ANHX: variants seen among roughly 807,000 people sequenced by gnomAD.
ANHX encodes anomalous homeobox.
In ANHX, 20 loss-of-function variants were observed where a neutral mutation model predicts 38.9. That is an observed-to-expected ratio of 0.51 (90% CI 0.36 to 0.75). ANHX has a LOEUF of 0.75. Ranked by LOEUF, ANHX falls within the 30% of genes least tolerant of loss-of-function variation. The pLI, the probability that ANHX is intolerant of heterozygous loss-of-function variation, is 0.00. For synonymous variants in ANHX, 185 were observed against 203.1 expected (o/e 0.91, Z 0.76); for missense variants, 475 against 493.1 (o/e 0.96, Z 0.35).
At chr12:133,222,438 G>C (rs1957121994) in intron 7 of ANHX, among the ~76,000 whole-genome samples, 1 of 152,078 alleles carries the variant, frequency 6.6e-6, no homozygotes, top group Non-Finnish European at 1.5e-5. Context: ...GAAGGCAGGG[G>C]TTTCAATAGA....
Position 133,221,822 on chromosome 12 carries a change from C to T in ANHX, c.1133-470G>A, listed in dbSNP as rs897570033. Among the ~76,000 whole-genome samples the T allele has an allele frequency of 6.6e-6, 1 of 152,178 alleles. No homozygotes were observed. The highest frequency in any genetic ancestry group is 1.5e-5 in the Non-Finnish European group (1 of 68,044). On this transcript the variant is annotated intron_variant, in intron 7 of 9. Coordinates refer to ENST00000545940, the MANE Select transcript of ANHX (RefSeq NM_001372060.1). The surrounding 1 kb of genome is among the most constrained non-coding windows in gnomAD (Gnocchi z 4.1). ...ATAAGCTGTCACTAGTTTCCCCTCC[C>T]TTTGACTTTCCAGAGCGTATCTCAG... is the stretch of plus-strand genomic sequence containing the variant.
intron 4 of ANHX, among the ~76,000 whole-genome samples, chr12:133,227,465 G>A (rs1197160248): frequency 3.3e-5 from 5 of 152,166 alleles, no homozygotes. Flanking sequence ...CCCCTGGAGG[G>A]GCAGGGCCTG....
rs1470236224 is a variant in ANHX, at chr12:133,234,373, G to A, written c.-17C>T. The A allele has an allele frequency of 6.6e-7, 1 of 1,526,276 alleles. No homozygotes were observed. The highest frequency in any genetic ancestry group is 1.2e-5 in the South Asian group (1 of 83,574). The allele number at this position is 1,526,276 out of a possible 1,614,324, so 94.5% of individuals were successfully genotyped here. A position where few individuals can be genotyped will look rare whatever the true frequency, so the allele number is the denominator to read the frequency against. On this transcript the variant is annotated 5_prime_UTR_variant, in exon 2 of 10. Transcript: ENST00000545940. ...GCTCTGCATCCTGTGCTGGGTCGTG[G>A]CCACTCTGCCAACACAAACAGTCAC...
intron 6 of ANHX, 122 bp downstream of exon 6, chr12:133,226,196 T>G: frequency 6.8e-7 from 1 of 1,471,440 alleles, no homozygotes; most frequent in Non-Finnish European, 9.1e-7. Context: ...CCCTGGGGTC[T>G]GACCTGATCC....
At chr12:133,224,391 G>T (rs962814975) in intron 7 of ANHX, among the ~76,000 whole-genome samples, 19 of 152,224 alleles carry the variant, frequency 1.2e-4, no homozygotes, top group African/African-American at 4.3e-4. Flanking sequence ...GCTGGGCATG[G>T]TGGCTCACGC....
intron 6 of ANHX, among the ~76,000 whole-genome samples, 141 bp from the exon 7 acceptor site, chr12:133,225,969 G>A (rs992822267): frequency 1.3e-5 from 2 of 151,558 alleles, no homozygotes; most frequent in African/African-American, 4.8e-5. Flanking sequence ...TCAATGAAAA[G>A]CAAAACAGAC....
intron 1 of ANHX, chr12:133,234,619 C>G: frequency 2.1e-6 from 1 of 471,662 alleles, no homozygotes; most frequent in Non-Finnish European, 3.9e-6. Context: ...GCACCAAGCA[C>G]TGGGCTGGGT....
chr12:133,220,867 T>G (rs1361289591), intron 8 of ANHX, among the ~76,000 whole-genome samples: 1 of 152,186 alleles, frequency 6.6e-6, no homozygotes, highest in Non-Finnish European at 1.5e-5. Context: ...CAATTCAGAA[T>G]ATAAAATCAG....
chr12:133,227,957 G>A lies in ANHX; in HGVS notation c.378-10C>T, dbSNP rs1318187449. The A allele has an allele frequency of 7.2e-6, 11 of 1,534,884 alleles. No homozygotes were observed. The Admixed American group carries it at 1.8e-4, about 25-fold the overall frequency. On this transcript the variant is annotated splice_polypyrimidine_tract_variant and intron_variant, in intron 3 of 9. Transcript: ENST00000545940. ...GGGGGGCGGGGGGTTCCTGGGTAAG[G>A]ACAGTGAGGAGGTGGTAACAGACAG...
chr12:133,232,764 C>G (rs912679606), intron 2 of ANHX, among the ~76,000 whole-genome samples: 1 of 152,224 alleles, frequency 6.6e-6, no homozygotes, highest in African/African-American at 2.4e-5. Flanking sequence ...ACTCTGCACT[C>G]TCTCGTTTGT....
At chr12:133,226,519 C>G in intron 5 of ANHX, 81 bp from the exon 6 acceptor site, 1 of 1,450,084 alleles carries the variant, frequency 6.9e-7, no homozygotes, top group African/African-American at 1.4e-5. Flanking sequence ...AGCAGCCCTG[C>G]TGGCTGGAAA....
In ANHX at chr12:133,226,312, C is replaced by T. The variant is rs1211006808; in HGVS notation, c.839+6G>A. 7 of 1,536,112 alleles carry T rather than the reference C, an allele frequency of 4.6e-6. No individual in the cohort carries two copies. The highest frequency in any genetic ancestry group is 6.1e-6 in the Non-Finnish European group (7 of 1,146,922). ...GATGATTCCATGGCCATGGAGATGA[C>T]AGTACCTGACATCCAGTGGCTTTGA... On this transcript the variant is annotated splice_donor_region_variant and intron_variant, in intron 6 of 9. Transcript: ENST00000545940.
In ANHX at chr12:133,226,948, G is replaced by C; in HGVS notation, c.706C>G (p.Pro236Ala). The change falls in exon 5 of 10, where the codon CCT becomes GCT. Residue 236 changes from proline to alanine, a missense_variant. Physicochemically the swap from Pro to Ala is conservative, Grantham distance 27. Transcript: ENST00000545940. Reference protein sequence around the residue: ...PRVDSGFVDRPQWSEEREEKG... With the variant: ...PRVDSGFVDRAQWSEEREEKG... ...TCAGGCCACTCACCTGACCACTGAGGCCTGTCCACAAACCCAGAGTCAACA... is the reference window on the plus strand; with the variant it reads ...TCAGGCCACTCACCTGACCACTGAGCCCTGTCCACAAACCCAGAGTCAACA... 6.5e-7 allele frequency: 1 copy of C among 1,528,222 alleles called. No individual in the cohort carries two copies. Among genetic ancestry groups the C allele is most frequent in the South Asian group, 1.2e-5 (1 of 82,906 alleles). The allele number at this position is 1,528,222 out of a possible 1,614,324, so 94.7% of individuals were successfully genotyped here. A position where few individuals can be genotyped will look rare whatever the true frequency, so the allele number is the denominator to read the frequency against.
chr12:133,234,518 A>G (rs1957335235), intron 1 of ANHX, 140 bp from the exon 2 acceptor site: 1 of 928,912 alleles, frequency 1.1e-6, no homozygotes, highest in African/African-American at 1.7e-5. Flanking sequence ...AAGACCTCAC[A>G]CATCCCGAGA....
chr12:133,227,206 G>T (rs1041553653), intron 4 of ANHX, 54 bp from the exon 5 acceptor site: 3 of 1,491,428 alleles, frequency 2.0e-6, no homozygotes, highest in Middle Eastern at 3.5e-4. Flanking sequence ...GAGGACAGGG[G>T]GTGTGCAGAA....
At chr12:133,228,241 A>G (rs1019754888) in intron 3 of ANHX, among the ~76,000 whole-genome samples, 1 of 152,036 alleles carries the variant, frequency 6.6e-6, no homozygotes, top group African/African-American at 2.4e-5. Context: ...GCCCTCCTGG[A>G]CATCCTCACA....
chr12:133,223,877 T>G (rs569187068), intron 7 of ANHX, among the ~76,000 whole-genome samples: 1 of 152,128 alleles, frequency 6.6e-6, no homozygotes, highest in East Asian at 1.9e-4. Context: ...AAAAAGAATC[T>G]AAGAGCTCCA....
rs1566404825 is a variant in ANHX, at chr12:133,224,922, ACG to A, written c.1132+612_1132+613del. Among the ~76,000 whole-genome samples, 22 of 148,370 alleles carry A rather than the reference ACG, an allele frequency of 1.5e-4. No individual in the cohort carries two copies. The South Asian group carries it at 4.0e-3, about 27-fold the overall frequency. ...GAGGAGGTTGCAGTGAGCCGAGATCACGCCACTGCACTCCAGCCTGGGTGAGC... is the reference window on the plus strand; with the variant it reads ...GAGGAGGTTGCAGTGAGCCGAGATCACCACTGCACTCCAGCCTGGGTGAGC... On this transcript the variant is annotated intron_variant, in intron 7 of 9. Coordinates refer to ENST00000545940, the MANE Select transcript of ANHX (RefSeq NM_001372060.1).
chr12:133,223,702 G>T (rs144330606), intron 7 of ANHX, among the ~76,000 whole-genome samples: 21,210 of 151,788 alleles, frequency 0.14, 3,379 homozygotes, highest in African/African-American at 0.4. Flanking sequence ...TGCCTCAGCC[G>T]CCCAAAGTGC....
Sources: gnomAD v4.1 joint callset for allele counts (sites outside exome capture counted in the v4.1 genomes callset) on GRCh38, gnomAD v4.1.1 for gene constraint, Gnocchi (gnomAD v3.1) non-coding constraint, MANE v1.5 for transcripts, NCBI Gene and HGNC (gene_info 2026-07-23, HGNC 2026-07-21) for gene names.